TTC28: variants seen among roughly 807,000 people sequenced by gnomAD.
TTC28 encodes tetratricopeptide repeat protein 28.
In TTC28, 61 loss-of-function variants were observed where a neutral mutation model predicts 198.0. That is an observed-to-expected ratio of 0.31 (90% CI 0.25 to 0.38). The LOEUF (loss-of-function observed/expected upper bound fraction) is 0.38, where lower values mean the gene tolerates loss of function less well. Among genes scored for constraint, TTC28 ranks in the 10% least tolerant of loss-of-function variants. TTC28 has a pLI of 1.00. For synonymous variants in TTC28, 1,171 were observed against 1,297.8 expected (o/e 0.90, Z 2.10); for missense variants, 2,678 against 3,164.0 (o/e 0.85, Z 3.69).
chr22:28,548,892 C>T (rs2049599703), intron 2 of TTC28, among the ~76,000 whole-genome samples: 1 of 152,108 alleles, frequency 6.6e-6, no homozygotes, highest in African/African-American at 2.4e-5. Flanking sequence ...TGTTCAAGTC[C>T]CACATTCTTT....
intron 2 of TTC28, among the ~76,000 whole-genome samples, chr22:28,406,887 A>T (rs2047005134): frequency 6.6e-6 from 1 of 152,170 alleles, no homozygotes; most frequent in Non-Finnish European, 1.5e-5. Context: ...AAGCTTTAAA[A>T]TTTTGGAAAG....
chr22:28,606,177 G>T (rs553251674), intron 2 of TTC28, among the ~76,000 whole-genome samples: 2 of 151,226 alleles, frequency 1.3e-5, no homozygotes, highest in African/African-American at 2.4e-5. Context: ...TCCACCTCCT[G>T]GGTTCAAGCG....
rs1361394971 is a variant in TTC28, at chr22:28,163,237, A to G, written c.1296T>C (p.Ile432=). The change falls in exon 6 of 23, where the codon ATT becomes ATC. Residue 432 remains isoleucine, a synonymous_variant. Coordinates refer to ENST00000397906, the MANE Select transcript of TTC28 (RefSeq NM_001145418.2). ...ELAQELMEKA[I]EMRAYAGLGH... The stretch of plus-strand genomic sequence containing the variant: ...CTAGTCCAGCATAGGCCCGCATCTC[A>G]ATAGCCTTCTCCATCAACTCCTGTG... 1 of 1,551,686 alleles carries G rather than the reference A, an allele frequency of 6.4e-7. No individual in the cohort carries two copies. The highest frequency in any genetic ancestry group is 8.7e-7 in the Non-Finnish European group (1 of 1,147,034).
At chr22:28,404,244 C>T (rs536897203) in intron 2 of TTC28, among the ~76,000 whole-genome samples, 40 of 152,102 alleles carry the variant, frequency 2.6e-4, no homozygotes, top group African/African-American at 9.6e-4. Flanking sequence ...CTCAGCCTCC[C>T]GAGTAGCTGG....
chr22:28,540,642 T>C (rs2049393037), intron 2 of TTC28, among the ~76,000 whole-genome samples: 1 of 152,194 alleles, frequency 6.6e-6, no homozygotes, highest in Admixed American at 6.5e-5. Flanking sequence ...TAGGAGCAAA[T>C]TTTACCAGAG....
chr22:28,641,371 G>A (rs563082533), intron 1 of TTC28, among the ~76,000 whole-genome samples: 6 of 152,014 alleles, frequency 3.9e-5, no homozygotes, highest in South Asian at 2.1e-4. Flanking sequence ...CAACATGGAT[G>A]AACCTTAAAA....
chr22:28,079,882 A>G (rs2146803126), intron 12 of TTC28, among the ~76,000 whole-genome samples: 1 of 152,176 alleles, frequency 6.6e-6, no homozygotes, highest in Middle Eastern at 3.4e-3. Context: ...GCATACGACC[A>G]CATCTGGCTA....
At chr22:28,572,129 T>C (rs1389938175) in intron 2 of TTC28, among the ~76,000 whole-genome samples, 3 of 148,794 alleles carry the variant, frequency 2.0e-5, no homozygotes, top group Admixed American at 2.0e-4. Flanking sequence ...AGGCCAGGAG[T>C]TGGAGAACTG....
At chr22:27,984,447 C>G (rs1488780036) in intron 22 of TTC28, among the ~76,000 whole-genome samples, 1 of 152,074 alleles carries the variant, frequency 6.6e-6, no homozygotes, top group Non-Finnish European at 1.5e-5. Context: ...CTCACCACCC[C>G]CTCCTCCACA....
intron 6 of TTC28, among the ~76,000 whole-genome samples, chr22:28,156,932 G>A (rs1428007788): frequency 6.6e-6 from 1 of 151,996 alleles, no homozygotes; most frequent in Admixed American, 6.6e-5. Flanking sequence ...AAAATCAGTA[G>A]AGGAAAAAAA....
intron 2 of TTC28, among the ~76,000 whole-genome samples, chr22:28,619,694 T>C (rs1283794525): frequency 6.6e-6 from 1 of 152,208 alleles, no homozygotes; most frequent in African/African-American, 2.4e-5. Flanking sequence ...CAAACTAACT[T>C]GTTGTAACAT....
chr22:28,578,684 C>A (rs2050186705), intron 2 of TTC28, among the ~76,000 whole-genome samples: 1 of 152,158 alleles, frequency 6.6e-6, no homozygotes, highest in Non-Finnish European at 1.5e-5. Context: ...GCCTACACCA[C>A]CCTTCCCTTA....
chr22:28,266,355 A>G (rs1931684853), intron 5 of TTC28, among the ~76,000 whole-genome samples: 1 of 152,118 alleles, frequency 6.6e-6, no homozygotes, highest in African/African-American at 2.4e-5. Context: ...GGTATCTTCA[A>G]CCTGCGTGTA....
At chr22:28,069,364 A>G (rs2146766134) in intron 12 of TTC28, among the ~76,000 whole-genome samples, 1 of 152,316 alleles carries the variant, frequency 6.6e-6, no homozygotes, top group Admixed American at 6.5e-5. Flanking sequence ...AGGATGTTGC[A>G]AACATCTCGT....
chr22:28,026,874 T>C (rs1044470463), intron 13 of TTC28, among the ~76,000 whole-genome samples: 2 of 152,206 alleles, frequency 1.3e-5, no homozygotes, highest in Admixed American at 1.3e-4. Flanking sequence ...AGGATGCTTG[T>C]TGCGCCAATG....
intron 5 of TTC28, among the ~76,000 whole-genome samples, chr22:28,173,996 T>C (rs745631813): frequency 9.9e-5 from 15 of 152,186 alleles, no homozygotes; most frequent in African/African-American, 1.4e-4. Context: ...GTACCAGAAA[T>C]ATTGCATTTC....
At position 28,633,320 on chromosome 22, in the gene TTC28, T is replaced by A. The variant is rs536023328; in HGVS notation, c.103-3490A>T. ...AAAAGAAAAAGAAAAAGAAAAAAAA[T>A]TTTTTTTTCAAAAAGAATTGCAGAG... On this transcript the variant is annotated intron_variant, in intron 1 of 22. Coordinates refer to ENST00000397906, the MANE Select transcript of TTC28 (RefSeq NM_001145418.2). 3.9e-4 allele frequency among the ~76,000 whole-genome samples: 58 copies of A among 148,344 alleles called. 1 individual carries two copies. The highest frequency in any genetic ancestry group is 3.5e-3 in the Middle Eastern group (1 of 282).
chr22:28,503,147 C>T (rs2048559298), intron 2 of TTC28, among the ~76,000 whole-genome samples: 1 of 152,088 alleles, frequency 6.6e-6, no homozygotes, highest in Admixed American at 6.5e-5. Flanking sequence ...TAACAATATG[C>T]CTTTCCCCTC....
intron 2 of TTC28, among the ~76,000 whole-genome samples, chr22:28,524,328 C>T (rs1032970798): frequency 1.3e-5 from 2 of 151,608 alleles, no homozygotes; most frequent in East Asian, 3.9e-4. Context: ...GGCATGGTGG[C>T]GGGCGCCTGT....
Sources: gnomAD v4.1 joint callset for allele counts (sites outside exome capture counted in the v4.1 genomes callset) on GRCh38, gnomAD v4.1.1 for gene constraint, MANE v1.5 for transcripts, NCBI Gene and HGNC (gene_info 2026-07-23, HGNC 2026-07-21) for gene names.